The following CCDC7 variants were observed in gnomAD, a reference collection of about 807,000 sequenced individuals.
CCDC7 encodes the protein coiled-coil domain containing 7, also known as coiled-coil domain-containing protein 7.
CCDC7 carries 183 observed loss-of-function variants against 196.9 expected under a neutral mutation model. That is an observed-to-expected ratio of 0.93 (90% confidence interval 0.82 to 1.05). CCDC7 has a LOEUF of 1.05. Among genes scored for constraint, CCDC7 ranks in the 50% least tolerant of loss-of-function variants. CCDC7 has a pLI of 0.00. For synonymous variants in CCDC7, 525 were observed against 484.6 expected, an observed-to-expected ratio of 1.08 and a Z score of -1.10; for missense variants, 1,540 against 1,482.2, an observed-to-expected ratio of 1.04 and a Z score of -0.64.
At chr10:32,501,040 GGGGAGA>G (rs139553454) in intron 9 of CCDC7, among the ~76,000 whole-genome samples, 20,248 of 151,744 alleles carry the variant, frequency 0.13, 1,590 homozygotes, top group African/African-American at 0.22. Context: ...ACCATGCAAA[GGGGAGA>G]GGGAGAGGGA....
At chr10:32,488,629 AC>A (rs918246047) in intron 8 of CCDC7, among the ~76,000 whole-genome samples, 1 of 151,268 alleles carries the variant, frequency 6.6e-6, no homozygotes, top group Non-Finnish European at 1.5e-5. Context: ...CTTGGCTCCA[AC>A]CCCCCAGCAT....
intron 20 of CCDC7, among the ~76,000 whole-genome samples, chr10:32,646,530 A>T (rs1162639904): frequency 6.6e-6 from 1 of 152,126 alleles, no homozygotes; most frequent in African/African-American, 2.4e-5. Flanking sequence ...AATGTCTGTT[A>T]GGTTCATTTT....
intron 18 of CCDC7, among the ~76,000 whole-genome samples, chr10:32,610,124 A>T (rs1212752798): frequency 2.0e-5 from 3 of 151,870 alleles, no homozygotes; most frequent in Non-Finnish European, 4.4e-5. Context: ...GTTTATTTTG[A>T]GACGGAGTCT....
chr10:32,549,915 T>C (rs950582052), intron 13 of CCDC7, among the ~76,000 whole-genome samples: 1 of 152,180 alleles, frequency 6.6e-6, no homozygotes, highest in Non-Finnish European at 1.5e-5. Flanking sequence ...TGGTTCCATA[T>C]GAATTTTAGG....
In CCDC7 at chr10:32,875,366, C is replaced by A. The variant is rs147527416; in HGVS notation, c.4112-981C>A. The stretch of plus-strand genomic sequence containing the variant: ...CTTCTGCATATGGCTAGCCAGTTAT[C>A]CCAGCACCATTTATTGAACAGGGAG... On this transcript the variant is annotated intron_variant, in intron 41 of 41. Coordinates refer to ENST00000639629, the Ensembl canonical transcript of CCDC7. Among the ~76,000 whole-genome samples, 1,202 of 152,124 alleles carry A rather than the reference C, an allele frequency of 7.9e-3. 7 individuals carry two copies. Among genetic ancestry groups the A allele is most frequent in the Middle Eastern group, 0.02 (6 of 294 alleles).
At chr10:32,720,445 G>A (rs183942594) in intron 25 of CCDC7, among the ~76,000 whole-genome samples, 1 of 152,160 alleles carries the variant, frequency 6.6e-6, no homozygotes, top group East Asian at 1.9e-4. Flanking sequence ...CAAGGGGAGG[G>A]ATAGCATTAG....
chr10:32,702,753 C>G (rs1001678342), intron 24 of CCDC7, among the ~76,000 whole-genome samples: 2 of 150,800 alleles, frequency 1.3e-5, no homozygotes, highest in Non-Finnish European at 3.0e-5. Flanking sequence ...CTTGTTGATC[C>G]CTTTACCATT....
At chr10:32,639,532 T>C (rs930533930) in intron 20 of CCDC7, among the ~76,000 whole-genome samples, 2 of 152,200 alleles carry the variant, frequency 1.3e-5, no homozygotes, top group Admixed American at 6.5e-5. Flanking sequence ...TTGTTCAGTT[T>C]CCATGTAGTT....
In CCDC7 at chr10:32,659,757, C is replaced by T. The variant is rs556412464; in HGVS notation, c.2015-4297C>T. Among the ~76,000 whole-genome samples, 8 of 152,204 alleles carry T rather than the reference C, an allele frequency of 5.3e-5. No homozygotes were observed. In the South Asian group the frequency reaches 1.7e-3, roughly 32 times the overall value. ...AACATCACTGATCATTAGAGAAATG[C>T]AAATGAAAACCATGAGATGCCGTCT... On this transcript the variant is annotated intron_variant, in intron 20 of 41. Transcript: ENST00000639629.
rs374259839 is a variant in CCDC7 at position 32,620,506 on chromosome 10, A to AT, written c.1802-13738dup. Among the ~76,000 whole-genome samples, 945 of 145,024 alleles carry AT rather than the reference A, an allele frequency of 6.5e-3. 7 individuals are homozygous for AT. The highest frequency in any genetic ancestry group is 0.018 in the African/African-American group (717 of 39,302). ...TGTTTTATAGTTACCCTCACATTGGATTTTTTTTTTGTGGGTAATTCCTCC... is the reference window on the plus strand; with the variant it reads ...TGTTTTATAGTTACCCTCACATTGGATTTTTTTTTTTGTGGGTAATTCCTCC... On this transcript the variant is annotated intron_variant, in intron 18 of 41. Transcript: ENST00000639629.
At chr10:32,759,745 G>A (rs1233820919) in intron 28 of CCDC7, among the ~76,000 whole-genome samples, 11 of 152,078 alleles carry the variant, frequency 7.2e-5, no homozygotes, top group African/African-American at 2.7e-4. Context: ...TTGACAAATG[G>A]GATCTAATTA....
At chr10:32,661,329 C>T (rs1356509501) in intron 20 of CCDC7, among the ~76,000 whole-genome samples, 1 of 151,230 alleles carries the variant, frequency 6.6e-6, no homozygotes, top group Non-Finnish European at 1.5e-5. Context: ...ACAACAGGTG[C>T]TGGAGAGGAT....
chr10:32,567,552 C>T lies in CCDC7; in HGVS notation c.1198-118C>T. 2.5e-6 allele frequency: 3 copies of T among 1,188,068 alleles called. No individual in the cohort carries two copies. In the South Asian group the frequency reaches 5.0e-5, roughly 20 times the overall value. The allele number at this position is 1,188,068 out of a possible 1,614,324, so 73.6% of individuals were successfully genotyped here. A position where few individuals can be genotyped will look rare whatever the true frequency, so the allele number is the denominator to read the frequency against. On this transcript the variant is annotated intron_variant, in intron 14 of 41. Coordinates refer to ENST00000639629, the Ensembl canonical transcript of CCDC7. ...TAGCTTACCTTTGCTCCCTTCAACT[C>T]AGTAAAAATGAGTTGAGAAATCATG...
Position 32,824,526 on chromosome 10 carries a change from G to T in CCDC7, c.3190G>T (p.Glu1064Ter). Residue 1064 changes from glutamate to a stop codon, truncating the protein, a stop_gained, in exon 32 of 42, where the codon GAA becomes TAA. Transcript: ENST00000639629. LOFTEE classifies it high-confidence loss of function. ...TGTTTACTTTTTTATAGAGACTGAT[G>T]AACGATTGCATAGTACAACTGAGAG... is the stretch of plus-strand genomic sequence containing the variant. 2 of 1,603,434 alleles carry T rather than the reference G, an allele frequency of 1.2e-6. No homozygotes were observed. The highest frequency in any genetic ancestry group is 1.1e-5 in the South Asian group (1 of 89,168).
exon 41 of CCDC7, chr10:32,854,428 A>C (rs2093674712): frequency 6.2e-7 from 1 of 1,608,072 alleles, no homozygotes; most frequent in African/African-American, 1.3e-5. Flanking sequence ...CCTTAAGCCA[A>C]AAAACTATTG....
At chr10:32,829,082 G>A (rs532671259) in intron 32 of CCDC7, among the ~76,000 whole-genome samples, 18 of 152,178 alleles carry the variant, frequency 1.2e-4, no homozygotes, top group Non-Finnish European at 2.4e-4. Context: ...GATGAATTCA[G>A]TCTACTACTC....
intron 28 of CCDC7, among the ~76,000 whole-genome samples, chr10:32,756,091 G>C (rs1020479044): frequency 6.6e-6 from 1 of 152,184 alleles, no homozygotes; most frequent in Non-Finnish European, 1.5e-5. Flanking sequence ...AAGCCTCCAA[G>C]AAATATGGGA....
chr10:32,542,237 T>A (rs1449197713), intron 11 of CCDC7, among the ~76,000 whole-genome samples: 1 of 152,230 alleles, frequency 6.6e-6, no homozygotes, highest in Non-Finnish European at 1.5e-5. Flanking sequence ...TCTGCTATAA[T>A]ATTTGTTTTG....
At chr10:32,463,340 A>G (rs533851951) in intron 5 of CCDC7, among the ~76,000 whole-genome samples, 1 of 152,320 alleles carries the variant, frequency 6.6e-6, no homozygotes, top group South Asian at 2.1e-4. Flanking sequence ...AATTTACATA[A>G]AAGGGTGATG....
Sources: allele counts gnomAD v4.1 joint callset (sites outside exome capture counted in the v4.1 genomes callset), GRCh38; gene constraint gnomAD v4.1.1; transcripts MANE v1.5; gene names NCBI Gene and HGNC (gene_info 2026-07-23, HGNC 2026-07-21).